Variants in ZNF81 observed in about 807,000 individuals in gnomAD.
The protein encoded by ZNF81 is zinc finger protein 81 (HFZ20).
A neutral mutation model predicts 32.3 loss-of-function variants in ZNF81; 5 were observed. That is an observed-to-expected ratio of 0.15 (90% CI 0.08 to 0.33). The LOEUF is 0.33. Ranked by LOEUF, ZNF81 falls within the 10% of genes least tolerant of loss-of-function variation. The pLI is 1.00. For synonymous variants in ZNF81, 163 were observed against 166.8 expected (o/e 0.98, Z 0.17); for missense variants, 379 against 479.8 (o/e 0.79, Z 1.96).
chrX:47,869,856 C>T (rs1400558495), intron 2 of ZNF81, among the ~76,000 whole-genome samples: 1 of 109,978 alleles, frequency 9.1e-6, no homozygotes, highest in Non-Finnish European at 1.9e-5. Flanking sequence ...CCACTGCACC[C>T]GGCTAATTTT....
chrX:47,874,644 A>G (rs1487714403), intron 2 of ZNF81, among the ~76,000 whole-genome samples: 5 of 112,193 alleles, frequency 4.5e-5, no homozygotes, highest in African/African-American at 1.6e-4. Flanking sequence ...GGTGATGCAG[A>G]TAGGAAGGGC....
At chrX:47,889,708 A>G (rs1257125679) in intron 3 of ZNF81, among the ~76,000 whole-genome samples, 1 of 112,413 alleles carries the variant, frequency 8.9e-6, no homozygotes, top group African/African-American at 3.2e-5. Flanking sequence ...TAAAGGAAGC[A>G]TAGTGGCTCC....
chrX:47,861,366 T>G (rs2058539762), intron 2 of ZNF81, among the ~76,000 whole-genome samples: 1 of 112,147 alleles, frequency 8.9e-6, no homozygotes, highest in Non-Finnish European at 1.9e-5. Flanking sequence ...TTTTTCCCTT[T>G]TTCAGGCAAT....
intron 4 of ZNF81, among the ~76,000 whole-genome samples, chrX:47,907,964 T>G (rs1237137644): frequency 9.0e-6 from 1 of 111,622 alleles, no homozygotes; most frequent in Non-Finnish European, 1.9e-5. Context: ...CTCTGGTCTT[T>G]TAGAGAAGAA....
intron 2 of ZNF81, among the ~76,000 whole-genome samples, chrX:47,886,420 C>A (rs1281574579): frequency 7.2e-5 from 8 of 111,144 alleles, no homozygotes; most frequent in Admixed American, 4.8e-4. Flanking sequence ...AATTCCAGTT[C>A]ATTCAGCTGG....
chrX:47,907,599 C>T (rs2058725234), intron 4 of ZNF81, among the ~76,000 whole-genome samples: 1 of 111,395 alleles, frequency 9.0e-6, no homozygotes, highest in Non-Finnish European at 1.9e-5. Context: ...GTGAAAACTA[C>T]CAAAGCCAAA....
At chrX:47,893,985 T>G (rs940846251) in intron 3 of ZNF81, among the ~76,000 whole-genome samples, 2 of 110,868 alleles carry the variant, frequency 1.8e-5, no homozygotes, top group Non-Finnish European at 3.8e-5. Flanking sequence ...CTTATCCGAG[T>G]TGTAGCACCA....
At chrX:47,905,318 G>A (rs868967150) in intron 4 of ZNF81, among the ~76,000 whole-genome samples, 1 of 104,082 alleles carries the variant, frequency 9.6e-6, no homozygotes, top group Non-Finnish European at 2.0e-5. Context: ...GGCTGAGACA[G>A]GAGAATCACT....
At chrX:47,879,003 G>A (rs1257758969) in intron 2 of ZNF81, among the ~76,000 whole-genome samples, 2 of 111,322 alleles carry the variant, frequency 1.8e-5, no homozygotes, top group African/African-American at 6.5e-5. Flanking sequence ...CAGCAACAGT[G>A]AGTCCAGTTC....
At chrX:47,841,314 C>T in intron 1 of ZNF81, 1 of 633,140 alleles carries the variant, frequency 1.6e-6, no homozygotes, top group Non-Finnish European at 2.6e-6. Context: ...CTATATGCAG[C>T]ATTTTTAGGT....
intron 2 of ZNF81, among the ~76,000 whole-genome samples, chrX:47,887,000 G>T (rs1556885836): frequency 8.9e-6 from 1 of 111,999 alleles, no homozygotes; most frequent in African/African-American, 3.2e-5. Flanking sequence ...TTTGTATATG[G>T]TGTGAGGCGT....
intron 2 of ZNF81, among the ~76,000 whole-genome samples, chrX:47,869,152 A>C (rs1232686855): frequency 8.9e-6 from 1 of 112,106 alleles, no homozygotes; most frequent in Non-Finnish European, 1.9e-5. Context: ...TTTTCCCTCT[A>C]AGGATCCTTC....
At chrX:47,872,960 C>T (rs1556884083) in intron 2 of ZNF81, among the ~76,000 whole-genome samples, 2 of 111,203 alleles carry the variant, frequency 1.8e-5, no homozygotes, top group African/African-American at 6.6e-5. Flanking sequence ...GTTTGGGGTA[C>T]TTTTCCAGCA....
chrX:47,884,911 C>T (rs1314947691), intron 2 of ZNF81, among the ~76,000 whole-genome samples: 1 of 111,551 alleles, frequency 9.0e-6, no homozygotes, highest in African/African-American at 3.3e-5. Flanking sequence ...TGGCAGGAAG[C>T]AGGTTGAGCA....
rs782322633 is a variant in ZNF81, at chrX:47,852,122, G to T, written c.54+5801G>T. 8.0e-5 allele frequency among the ~76,000 whole-genome samples: 9 copies of T among 112,495 alleles called. No homozygotes were observed. The East Asian group carries it at 2.2e-3, about 28-fold the overall frequency. ...TTTATAGTATGCTATAGTCTATTAA[G>T]TGTACAATAGCATTATGTCTAAAAA... On this transcript the variant is annotated intron_variant, in intron 2 of 4. Coordinates refer to ENST00000338637, the MANE Select transcript of ZNF81 (RefSeq NM_007137.5).
chrX:47,869,721 A>G (rs1280383494), intron 2 of ZNF81, among the ~76,000 whole-genome samples: 2 of 109,231 alleles, frequency 1.8e-5, no homozygotes, highest in Non-Finnish European at 3.8e-5. Context: ...TTTGAGATGG[A>G]GTCTTGCTCT....
chrX:47,916,047 G>A lies in ZNF81; in HGVS notation c.1401G>A (p.Glu467=). The A allele has an allele frequency of 8.3e-7, 1 of 1,211,277 alleles. No homozygotes were observed. Among genetic ancestry groups the A allele is most frequent in the South Asian group, 1.8e-5 (1 of 56,959 alleles). Residue 467 remains glutamate (E), a synonymous_variant, in exon 5 of 5, where the codon GAG becomes GAA. Coordinates refer to ENST00000338637, the MANE Select transcript of ZNF81 (RefSeq NM_007137.5). ...LIAHQRIHTG[E]KPYECSDCGK... is the part of the protein sequence containing the mutation. ...CACATCAAAGAATTCATACTGGAGA[G>A]AAGCCTTATGAATGCAGTGACTGTG...
chrX:47,846,562 C>T (rs932491712), intron 2 of ZNF81, among the ~76,000 whole-genome samples: 1 of 111,500 alleles, frequency 9.0e-6, no homozygotes, highest in Non-Finnish European at 1.9e-5. Flanking sequence ...AGGTTAATAG[C>T]CCTTTATCAT....
At chrX:47,902,539 G>A (rs782701188) in intron 4 of ZNF81, among the ~76,000 whole-genome samples, 1 of 112,190 alleles carries the variant, frequency 8.9e-6, no homozygotes, top group South Asian at 3.7e-4. Context: ...CACCAGAATA[G>A]ACTATTTTGG....
Sources: allele counts gnomAD v4.1 joint callset (sites outside exome capture counted in the v4.1 genomes callset), GRCh38; gene constraint gnomAD v4.1.1; transcripts MANE v1.5; gene names NCBI Gene and HGNC (gene_info 2026-07-23, HGNC 2026-07-21).